SVIL: variants seen among roughly 807,000 people sequenced by gnomAD.
The protein encoded by SVIL is archvillin.
SVIL carries 101 observed loss-of-function variants against 240.4 expected under a neutral mutation model. That is an observed-to-expected ratio of 0.42 (90% CI 0.36 to 0.50). SVIL has a LOEUF of 0.50. Ranked by LOEUF, SVIL falls within the 20% of genes least tolerant of loss-of-function variation. The pLI, the probability that SVIL is intolerant of heterozygous loss-of-function variation, is 0.01. For synonymous variants in SVIL, 999 were observed against 1,100.0 expected, an observed-to-expected ratio of 0.91 and a Z score of 1.82; for missense variants, 2,512 against 2,818.7, an observed-to-expected ratio of 0.89 and a Z score of 2.46.
intron 1 of SVIL, among the ~76,000 whole-genome samples, chr10:29,570,463 T>G (rs1276654579): frequency 6.6e-6 from 1 of 152,194 alleles, no homozygotes; most frequent in African/African-American, 2.4e-5. Context: ...GTTCAATCAG[T>G]GAACTGAACA....
At chr10:29,734,713 C>T (rs910380618) in intron 1 of SVIL, among the ~76,000 whole-genome samples, 14 of 152,162 alleles carry the variant, frequency 9.2e-5, no homozygotes, top group African/African-American at 2.9e-4. Flanking sequence ...GGGTTCACAG[C>T]AAGCAGAACG....
intron 2 of SVIL, among the ~76,000 whole-genome samples, chr10:29,672,915 G>C (rs1367040777): frequency 6.6e-6 from 1 of 151,874 alleles, no homozygotes; most frequent in Non-Finnish European, 1.5e-5. Context: ...GTTTTGTTTT[G>C]TTGTTGTTGT....
intron 2 of SVIL, among the ~76,000 whole-genome samples, chr10:29,685,444 T>C (rs1255062056): frequency 6.6e-6 from 1 of 152,238 alleles, no homozygotes; most frequent in East Asian, 1.9e-4. Context: ...TAGCCAGTAA[T>C]GGGATTGCTG....
intron 1 of SVIL, among the ~76,000 whole-genome samples, chr10:29,732,228 G>A (rs954058146): frequency 2.0e-5 from 3 of 152,176 alleles, no homozygotes; most frequent in Non-Finnish European, 4.4e-5. Context: ...CTTTCTTGAA[G>A]ATAATGTTCA....
chr10:29,575,191 TTGTC>T (rs1347461696), intron 1 of SVIL: 1 of 153,058 alleles, frequency 6.5e-6, no homozygotes, highest in East Asian at 1.9e-4. Context: ...TACCACCCAA[TTGTC>T]TGGCACTGAA....
chr10:29,660,273 C>T (rs74708914), intron 2 of SVIL, among the ~76,000 whole-genome samples: 4,677 of 152,102 alleles, frequency 0.031, 93 homozygotes, highest in Non-Finnish European at 0.044. Flanking sequence ...TGTACCACTG[C>T]GCTCCAGCTC....
chr10:29,583,107 T>C (rs1227990576), intron 1 of SVIL, among the ~76,000 whole-genome samples: 1 of 152,192 alleles, frequency 6.6e-6, no homozygotes, highest in Non-Finnish European at 1.5e-5. Flanking sequence ...AGATAGATCA[T>C]AGCTGTTCTA....
intron 2 of SVIL, among the ~76,000 whole-genome samples, chr10:29,674,544 A>C (rs577190031): frequency 3.9e-5 from 6 of 152,206 alleles, no homozygotes; most frequent in Non-Finnish European, 7.3e-5. Context: ...CTTATATTCC[A>C]TAAATTTTCC....
chr10:29,563,524 G>A (rs187168713), intron 2 of SVIL, among the ~76,000 whole-genome samples: 248 of 152,228 alleles, frequency 1.6e-3, no homozygotes, highest in African/African-American at 5.7e-3. Context: ...GGCGGGTGGC[G>A]TGGTGTGATG....
chr10:29,465,985 A>G (rs574827374), intron 33 of SVIL, among the ~76,000 whole-genome samples: 68 of 152,302 alleles, frequency 4.5e-4, no homozygotes, highest in African/African-American at 1.5e-3. Context: ...TTAAAAAGAA[A>G]AGAAAAACCA....
intron 1 of SVIL, among the ~76,000 whole-genome samples, chr10:29,592,982 G>C (rs1333434323): frequency 1.3e-5 from 2 of 152,124 alleles, no homozygotes; most frequent in Non-Finnish European, 2.9e-5. Context: ...AATTGTTGTA[G>C]GGAAGTTTTA....
intron 30 of SVIL, among the ~76,000 whole-genome samples, 157 bp from the exon 31 acceptor site, chr10:29,471,400 G>C (rs1945565050): frequency 6.6e-6 from 1 of 152,190 alleles, no homozygotes; most frequent in African/African-American, 2.4e-5. Context: ...TGCGAACGCT[G>C]CCGTGTGCAG....
At chr10:29,639,469 C>CT (rs138064127), upstream of SVIL, among the ~76,000 whole-genome samples, 608 of 125,428 alleles carry the variant, frequency 4.8e-3, 4 homozygotes, top group South Asian at 0.016. Context: ...GCGCCTGGCC[C>CT]TTTTTTTTTT....
intron 17 of SVIL, among the ~76,000 whole-genome samples, chr10:29,510,626 G>C (rs1949761234): frequency 2.0e-5 from 3 of 151,818 alleles, no homozygotes; most frequent in Non-Finnish European, 1.5e-5. Flanking sequence ...TGCTCTCCTG[G>C]GTACCTCTCC....
intron 17 of SVIL, chr10:29,508,587 C>A (rs1309105918): frequency 5.5e-6 from 2 of 362,560 alleles, no homozygotes; most frequent in Non-Finnish European, 1.1e-5. Context: ...AGAGAGCATT[C>A]CCTCAGCCTT....
At chr10:29,546,717 T>C (rs1056536224) in intron 6 of SVIL, among the ~76,000 whole-genome samples, 27 of 152,184 alleles carry the variant, frequency 1.8e-4, no homozygotes, top group Non-Finnish European at 2.9e-4. Context: ...TAGGACACTA[T>C]TGGTGGTCTT....
intron 1 of SVIL, among the ~76,000 whole-genome samples, chr10:29,628,938 C>A (rs755820579): frequency 3.3e-5 from 5 of 152,144 alleles, no homozygotes; most frequent in Non-Finnish European, 7.3e-5. Flanking sequence ...AGAGCCCCAT[C>A]ACCCTCACTA....
chr10:29,515,276 C>T (rs1393062391), intron 16 of SVIL, among the ~76,000 whole-genome samples: 1 of 152,182 alleles, frequency 6.6e-6, no homozygotes, highest in Non-Finnish European at 1.5e-5. Context: ...AGTTCATGGG[C>T]TTGGACACGA....
chr10:29,492,505 G>T (rs1217051388), intron 21 of SVIL, among the ~76,000 whole-genome samples: 5 of 151,892 alleles, frequency 3.3e-5, no homozygotes, highest in Non-Finnish European at 5.9e-5. Flanking sequence ...AAACCCCTCC[G>T]CACTGTTCAG....
Sources: allele counts gnomAD v4.1 joint callset (sites outside exome capture counted in the v4.1 genomes callset), GRCh38; gene constraint gnomAD v4.1.1; transcripts MANE v1.5; gene names NCBI Gene and HGNC (gene_info 2026-07-23, HGNC 2026-07-21).